The following SENP2 variants were observed in gnomAD, a reference collection of about 807,000 sequenced individuals.
SENP2 encodes SUMO specific peptidase 2.
Under a neutral mutation model 86.3 loss-of-function variants are expected in SENP2, and 16 were observed. That is an observed-to-expected ratio of 0.19 (90% CI 0.13 to 0.28). The LOEUF (loss-of-function observed/expected upper bound fraction) is 0.28, where lower values mean the gene tolerates loss of function less well. SENP2 is among the 10% of genes least tolerant of loss of function. SENP2 has a pLI of 1.00. For missense variants in SENP2, 552 were observed against 703.0 expected, an observed-to-expected ratio of 0.79 and a Z score of 2.43; for synonymous variants, 222 against 238.7, an observed-to-expected ratio of 0.93 and a Z score of 0.64.
At chr3:185,590,290 G>A (rs555881455) in intron 2 of SENP2, 121 bp downstream of exon 2, 306 of 376,996 alleles carry the variant, frequency 8.1e-4, no homozygotes, top group Non-Finnish European at 1.4e-3. Flanking sequence ...CGCAGTGGCT[G>A]TAATCCTAGC....
At position 185,611,634 on chromosome 3, in the gene SENP2, C is replaced by CT; in HGVS notation, c.723-12dup. 1 of 1,580,674 alleles carries CT rather than the reference C, an allele frequency of 6.3e-7. No homozygotes were observed. The highest frequency in any genetic ancestry group is 1.3e-5 in the African/African-American group (1 of 74,360). On this transcript the variant is annotated splice_polypyrimidine_tract_variant and intron_variant, in intron 7 of 16. Transcript: ENST00000296257. The stretch of plus-strand genomic sequence containing the variant: ...TTGCTTTTGTATCTGATCTCCCTCA[C>CT]TTTTTGTGTTTCTAAGTTCTCAAAG...
rs1721929518 is a variant in SENP2 at position 185,590,169 on chromosome 3, G to A, written c.157G>A (p.Asp53Asn). 1 of 1,523,500 alleles carries A rather than the reference G, an allele frequency of 6.6e-7. No homozygotes were observed. Among genetic ancestry groups the A allele is most frequent in the East Asian group, 2.3e-5 (1 of 42,938 alleles). The allele number at this position is 1,523,500 out of a possible 1,614,324, so 94.4% of individuals were successfully genotyped here. A position where few individuals can be genotyped will look rare whatever the true frequency, so the allele number is the denominator to read the frequency against. Residue 53 changes from aspartate (D) to asparagine (N), a missense_variant and splice_region_variant, in exon 2 of 17, where the codon GAT becomes AAT. Physicochemically the swap from Asp to Asn is conservative, Grantham distance 23. Transcript: ENST00000296257. ...DEIPAKRPRL[D>N]CFIHQVKNSL... Reference sequence around the variant, plus strand: ...AATACCAGCCAAAAGACCAAGATTAGGTACTGAATATAAATTTTAAAAATT... The same window carrying A: ...AATACCAGCCAAAAGACCAAGATTAAGTACTGAATATAAATTTTAAAAATT...
intron 12 of SENP2, among the ~76,000 whole-genome samples, chr3:185,618,278 A>G (rs545433678): frequency 6.6e-6 from 1 of 152,278 alleles, no homozygotes; most frequent in East Asian, 1.9e-4. Context: ...GGATATATTG[A>G]TCACTATATA....
Position 185,626,284 on chromosome 3 carries a change from C to T in SENP2, c.1612-14C>T, listed in dbSNP as rs1431981308. Reference sequence around the variant, plus strand: ...TTTACCCTTTCCTCTCTTCTTTTTTCTTTGTAATTTTAGGAGATTCCTCAA... The same window carrying T: ...TTTACCCTTTCCTCTCTTCTTTTTTTTTTGTAATTTTAGGAGATTCCTCAA... On this transcript the variant is annotated splice_polypyrimidine_tract_variant and intron_variant, in intron 15 of 16. Coordinates refer to ENST00000296257, the MANE Select transcript of SENP2 (RefSeq NM_021627.3). 1.8e-5 allele frequency: 28 copies of T among 1,557,998 alleles called. No individual in the cohort carries two copies. Among genetic ancestry groups the T allele is most frequent in the Admixed American group, 1.4e-4 (8 of 56,858 alleles).
At chr3:185,618,585 GT>G (rs1365756073) in intron 12 of SENP2, among the ~76,000 whole-genome samples, 1 of 152,064 alleles carries the variant, frequency 6.6e-6, no homozygotes, top group Non-Finnish European at 1.5e-5. Flanking sequence ...CTGTTCAAAA[GT>G]ACCACCACTC....
rs148897420 is a variant in SENP2 at position 185,605,662 on chromosome 3, C to CT, written c.450-653dup. ...ACTGATGATTTGTTTCAGATTATGC[C>CT]TTTTTTTTTTTTTTTGAAACACCAC... On this transcript the variant is annotated intron_variant, in intron 5 of 16. Coordinates refer to ENST00000296257, the MANE Select transcript of SENP2 (RefSeq NM_021627.3). Among the ~76,000 whole-genome samples the CT allele has an allele frequency of 9.7e-3, 1,339 of 137,450 alleles. 15 individuals carry two copies. Among genetic ancestry groups the CT allele is most frequent in the African/African-American group, 0.028 (1,038 of 37,644 alleles). The allele number at this position is 137,450 out of a possible 152,430, so 90.2% of individuals were successfully genotyped here.
At chr3:185,592,155 T>C (rs1722030213) in intron 2 of SENP2, among the ~76,000 whole-genome samples, 2 of 151,474 alleles carry the variant, frequency 1.3e-5, no homozygotes, top group African/African-American at 4.9e-5. Context: ...CGTAGCTCAC[T>C]GCAGTCTCAA....
chr3:185,629,858 G>A lies in SENP2; in HGVS notation c.*14G>A, dbSNP rs1423149867. 5 of 1,613,326 alleles carry A rather than the reference G, an allele frequency of 3.1e-6. No individual in the cohort carries two copies. The Admixed American group carries it at 6.7e-5, about 22-fold the overall frequency. ...CAGTTGCTGTGAGAAAACTTTGCCT[G>A]GTCCCTCTAGCTGCTGGTGGTTCTT... is the stretch of plus-strand genomic sequence containing the variant. On this transcript the variant is annotated 3_prime_UTR_variant, in exon 17 of 17. Transcript: ENST00000296257.
chr3:185,587,129 T>C (rs910445865), intron 1 of SENP2, among the ~76,000 whole-genome samples: 6 of 152,204 alleles, frequency 3.9e-5, no homozygotes, highest in Admixed American at 3.3e-4. Flanking sequence ...TATTCTTTTC[T>C]TTTTTTCTTT....
At position 185,623,445 on chromosome 3, in the gene SENP2, A is replaced by T. The variant is rs1204991788; in HGVS notation, c.1527-553A>T. On this transcript the variant is annotated intron_variant, in intron 14 of 16. Coordinates refer to ENST00000296257, the MANE Select transcript of SENP2 (RefSeq NM_021627.3). ...TGAGCCACCGCACCCGGCCTATGTT[A>T]TTTTTTGTATCTTAATTTTGGTGGG... 2.0e-5 allele frequency among the ~76,000 whole-genome samples: 3 copies of T among 152,082 alleles called. No individual in the cohort carries two copies. In the East Asian group the frequency reaches 5.8e-4, roughly 29 times the overall value.
intron 7 of SENP2, among the ~76,000 whole-genome samples, chr3:185,611,095 GC>G (rs1242135848): frequency 6.6e-6 from 1 of 152,148 alleles, no homozygotes; most frequent in Non-Finnish European, 1.5e-5. Context: ...GACCAACATG[GC>G]GAAACCCCAT....
At chr3:185,607,108 A>T (rs1054590570) in intron 6 of SENP2, among the ~76,000 whole-genome samples, 5 of 151,680 alleles carry the variant, frequency 3.3e-5, no homozygotes, top group African/African-American at 1.2e-4. Flanking sequence ...TTCAAAAGGT[A>T]CTAAAGTATG....
At position 185,630,563 on chromosome 3, in the gene SENP2, T is replaced by C. The variant is rs4687477; in HGVS notation, c.*719T>C. 63,144 of 152,458 alleles carry C rather than the reference T, an allele frequency of 0.41. 13,195 individuals carry two copies. Among genetic ancestry groups the C allele is most frequent in the South Asian group, 0.59 (2,864 of 4,814 alleles). The allele number at this position is 152,458 out of a possible 1,614,324, so 9.4% of individuals were successfully genotyped here. A position where few individuals can be genotyped will look rare whatever the true frequency, so the allele number is the denominator to read the frequency against. The stretch of plus-strand genomic sequence containing the variant: ...TGGAACTGTGCCCAAGGGACTCTGA[T>C]TATCCAAGCATCTTCCGAAGAGTGT... On this transcript the variant is annotated 3_prime_UTR_variant, in exon 17 of 17. Transcript: ENST00000296257.
chr3:185,593,018 CAA>C (rs1005994193), intron 2 of SENP2, among the ~76,000 whole-genome samples: 31 of 152,050 alleles, frequency 2.0e-4, no homozygotes, highest in African/African-American at 7.5e-4. Context: ...AATAAAAAAA[CAA>C]AGATAGTAAC....
intron 1 of SENP2, among the ~76,000 whole-genome samples, chr3:185,588,139 C>G (rs1158477178): frequency 6.9e-6 from 1 of 145,526 alleles, no homozygotes; most frequent in Non-Finnish European, 1.5e-5. Context: ...CTCACTGCAA[C>G]CTCCGCCTTC....
intron 13 of SENP2, among the ~76,000 whole-genome samples, chr3:185,619,868 C>T (rs550843776): frequency 3.3e-5 from 5 of 151,926 alleles, no homozygotes; most frequent in Non-Finnish European, 7.4e-5. Flanking sequence ...ACTAGGACTA[C>T]AGGCATGGTC....
intron 1 of SENP2, among the ~76,000 whole-genome samples, chr3:185,588,721 G>T (rs550032115): frequency 3.3e-5 from 5 of 152,264 alleles, no homozygotes; most frequent in African/African-American, 1.2e-4. Flanking sequence ...TGAGAACGTG[G>T]TGTAAAGTGC....
chr3:185,616,603 G>A (rs1340199280), intron 11 of SENP2, among the ~76,000 whole-genome samples: 3 of 151,508 alleles, frequency 2.0e-5, no homozygotes, highest in Non-Finnish European at 4.4e-5. Context: ...GTGAAACCCC[G>A]TCTCTACTAA....
intron 13 of SENP2, among the ~76,000 whole-genome samples, chr3:185,621,621 C>G (rs879372349): frequency 1.6e-4 from 24 of 151,918 alleles, no homozygotes; most frequent in Non-Finnish European, 2.6e-4. Flanking sequence ...AACTCCTGAC[C>G]TCATGATCCG....
Sources: allele counts gnomAD v4.1 joint callset (sites outside exome capture counted in the v4.1 genomes callset), GRCh38; gene constraint gnomAD v4.1.1; transcripts MANE v1.5; gene names NCBI Gene and HGNC (gene_info 2026-07-23, HGNC 2026-07-21).